Variants in CTNND2 observed in about 807,000 individuals in gnomAD.
CTNND2 encodes catenin delta-2.
In CTNND2, 22 loss-of-function variants were observed where a neutral mutation model predicts 144.4. The observed-to-expected ratio is 0.15, with a 90% confidence interval of 0.11 to 0.22. The LOEUF is 0.22. Ranked by LOEUF, CTNND2 falls within the 10% of genes least tolerant of loss-of-function variation. The probability of loss-of-function intolerance (pLI) is 1.00; values close to 1 mark genes in which losing one functional copy is unlikely to be tolerated. For missense variants in CTNND2, 1,353 were observed against 1,618.8 expected, an observed-to-expected ratio of 0.84 and a Z score of 2.82; for synonymous variants, 751 against 695.6, an observed-to-expected ratio of 1.08 and a Z score of -1.25.
intron 2 of CTNND2, among the ~76,000 whole-genome samples, chr5:11,667,029 G>T (rs1783603803): frequency 6.6e-6 from 1 of 151,712 alleles, no homozygotes; most frequent in South Asian, 2.1e-4. Flanking sequence ...TTGGTTTTCT[G>T]TTCTTGTGTT....
At chr5:11,686,644 A>T (rs975719028) in intron 2 of CTNND2, among the ~76,000 whole-genome samples, 2 of 151,898 alleles carry the variant, frequency 1.3e-5, no homozygotes, top group African/African-American at 4.8e-5. Flanking sequence ...GAAGGAGAAG[A>T]AATGTAATAA....
chr5:11,665,279 A>C (rs573512021), intron 2 of CTNND2, among the ~76,000 whole-genome samples: 1 of 152,174 alleles, frequency 6.6e-6, no homozygotes, highest in Non-Finnish European at 1.5e-5. Flanking sequence ...CTTACCAGCT[A>C]TGAGATAGTG....
At chr5:11,897,448 C>T (rs1737486321) in intron 1 of CTNND2, among the ~76,000 whole-genome samples, 1 of 152,102 alleles carries the variant, frequency 6.6e-6, no homozygotes, top group South Asian at 2.1e-4. Flanking sequence ...ATCAAACAGC[C>T]ACCAAAATCT....
intron 2 of CTNND2, among the ~76,000 whole-genome samples, chr5:11,673,780 T>C (rs773465568): frequency 3.3e-5 from 5 of 152,134 alleles, no homozygotes; most frequent in Non-Finnish European, 7.4e-5. Context: ...AAAAGAAAAA[T>C]AAATATAAAA....
At chr5:11,011,344 G>T (rs1220663721) in intron 18 of CTNND2, among the ~76,000 whole-genome samples, 1 of 152,130 alleles carries the variant, frequency 6.6e-6, no homozygotes, top group East Asian at 1.9e-4. Context: ...CTCCCGAGTA[G>T]CTGGGATTAC....
At chr5:11,381,282 C>T (rs987464005) in intron 7 of CTNND2, among the ~76,000 whole-genome samples, 11 of 152,140 alleles carry the variant, frequency 7.2e-5, no homozygotes, top group South Asian at 6.2e-4. Context: ...AAATGGCAGC[C>T]GAAGTAACCC....
At chr5:11,182,374 AGT>A (rs1288771916) in intron 11 of CTNND2, among the ~76,000 whole-genome samples, 1 of 151,764 alleles carries the variant, frequency 6.6e-6, no homozygotes, top group Non-Finnish European at 1.5e-5. Context: ...CACATCTAAG[AGT>A]GTGCACACCT....
chr5:11,129,642 C>T (rs570434613), intron 12 of CTNND2, among the ~76,000 whole-genome samples: 6 of 151,878 alleles, frequency 4.0e-5, no homozygotes, highest in African/African-American at 1.4e-4. Flanking sequence ...CAGAAAAGTC[C>T]CCTGAAAACT....
At chr5:11,740,225 C>T (rs1418705115) in intron 1 of CTNND2, among the ~76,000 whole-genome samples, 2 of 152,110 alleles carry the variant, frequency 1.3e-5, no homozygotes, top group Non-Finnish European at 2.9e-5. Context: ...AGAGCCCACA[C>T]AGTCAAGACA....
chr5:11,084,126 T>C (rs1749890954), intron 15 of CTNND2, among the ~76,000 whole-genome samples: 1 of 152,244 alleles, frequency 6.6e-6, no homozygotes. Flanking sequence ...TAAAGCTCAC[T>C]AAAGCATCTC....
At chr5:11,469,084 G>A (rs1301009716) in intron 3 of CTNND2, among the ~76,000 whole-genome samples, 1 of 152,152 alleles carries the variant, frequency 6.6e-6, no homozygotes, top group Non-Finnish European at 1.5e-5. Context: ...TTGCTCTGCT[G>A]ATCTCAAACA....
chr5:11,363,708 T>A (rs1476074028), intron 8 of CTNND2, among the ~76,000 whole-genome samples: 1 of 152,214 alleles, frequency 6.6e-6, no homozygotes, highest in Non-Finnish European at 1.5e-5. Context: ...TGCCTTGATT[T>A]CAAAGCATGT....
chr5:11,749,407 CT>C (rs1788487088), intron 1 of CTNND2, among the ~76,000 whole-genome samples: 1 of 151,872 alleles, frequency 6.6e-6, no homozygotes, highest in Non-Finnish European at 1.5e-5. Context: ...TCATTATAGT[CT>C]TTTTTTGACA....
chr5:11,047,344 C>T (rs909331697), intron 16 of CTNND2, among the ~76,000 whole-genome samples: 2 of 152,194 alleles, frequency 1.3e-5, no homozygotes, highest in African/African-American at 4.8e-5. Flanking sequence ...TCCCCACCAA[C>T]AGCGATGGCA....
chr5:11,685,759 C>T (rs777948441), intron 2 of CTNND2, among the ~76,000 whole-genome samples: 13 of 152,304 alleles, frequency 8.5e-5, no homozygotes, highest in Middle Eastern at 3.4e-3. Context: ...CAAAGAGTAT[C>T]TCAGGTAATT....
At chr5:11,617,826 A>G (rs1161741502) in intron 2 of CTNND2, among the ~76,000 whole-genome samples, 1 of 152,226 alleles carries the variant, frequency 6.6e-6, no homozygotes, top group Non-Finnish European at 1.5e-5. Flanking sequence ...AGGGAAGGGA[A>G]TACAGAACTG....
intron 1 of CTNND2, among the ~76,000 whole-genome samples, chr5:11,873,437 C>T (rs1276319808): frequency 6.6e-6 from 1 of 152,134 alleles, no homozygotes; most frequent in Admixed American, 6.6e-5. Context: ...TATACAGAGA[C>T]ACATTCTGGC....
chr5:11,748,620 T>C (rs1561759621), intron 1 of CTNND2, among the ~76,000 whole-genome samples: 1 of 152,212 alleles, frequency 6.6e-6, no homozygotes, highest in South Asian at 2.1e-4. Flanking sequence ...ATAGCATTTC[T>C]TTACCGCCAA....
At chr5:11,825,660 A>G (rs1377327563) in intron 1 of CTNND2, among the ~76,000 whole-genome samples, 4 of 152,078 alleles carry the variant, frequency 2.6e-5, no homozygotes, top group African/African-American at 4.8e-5. Flanking sequence ...TGCTTTTATC[A>G]TTATTAATAA....
Sources: allele counts gnomAD v4.1 joint callset (sites outside exome capture counted in the v4.1 genomes callset), GRCh38; gene constraint gnomAD v4.1.1; transcripts MANE v1.5; gene names NCBI Gene and HGNC (gene_info 2026-07-23, HGNC 2026-07-21).